ADCY3: variants seen among roughly 807,000 people sequenced by gnomAD.
The protein encoded by ADCY3 is adenylate cyclase 3, also known as adenylate cyclase type 3.
Under a neutral mutation model 119.4 loss-of-function variants are expected in ADCY3, and 70 were observed. That is an observed-to-expected ratio of 0.59 (90% CI 0.48 to 0.72). The LOEUF (loss-of-function observed/expected upper bound fraction) is 0.72. Ranked by LOEUF, ADCY3 falls within the 30% of genes least tolerant of loss-of-function variation. The probability of loss-of-function intolerance (pLI) is 0.00; values close to 1 mark genes in which losing one functional copy is unlikely to be tolerated. For synonymous variants in ADCY3, 672 were observed against 621.4 expected, an observed-to-expected ratio of 1.08 and a Z score of -1.21; for missense variants, 1,238 against 1,541.6, an observed-to-expected ratio of 0.80 and a Z score of 3.30.
rs1671156597 is a variant in ADCY3, at chr2:24,842,637, A to T, written c.826-253T>A. 3 of 484,642 alleles carry T rather than the reference A, an allele frequency of 6.2e-6. No homozygotes were observed. In the East Asian group the frequency reaches 1.2e-4, roughly 19 times the overall value. The allele number at this position is 484,642 out of a possible 1,614,324, so 30.0% of individuals were successfully genotyped here. A position where few individuals can be genotyped will look rare whatever the true frequency, so the allele number is the denominator to read the frequency against. On this transcript the variant is annotated intron_variant, in intron 3 of 21. Transcript: ENST00000679454. This position sits in a 1 kb window ranked among gnomAD's most constrained non-coding sequence, Gnocchi z 4.9. ...AGGGGAGCCAGAAACGCAGTGAAGC[A>T]TCCCAACGTGGCTCTGTGCTCAGCA...
Position 24,919,141 on chromosome 2 carries a change from G to A in ADCY3, c.-154C>T. On this transcript the variant is annotated 5_prime_UTR_variant, in exon 2 of 22. Coordinates refer to ENST00000679454, the MANE Select transcript of ADCY3 (RefSeq NM_004036.5). This position sits in a 1 kb window ranked among gnomAD's most constrained non-coding sequence, Gnocchi z 5.5. ...AGGGGAGGCCACCTCCAGCAGGAAC[G>A]CAGAGCGGGTTTCCAGAGCACAGGT... 1 of 736,700 alleles carries A rather than the reference G, an allele frequency of 1.4e-6. No homozygotes were observed. Among genetic ancestry groups the A allele is most frequent in the Non-Finnish European group, 2.2e-6 (1 of 461,282 alleles). The allele number at this position is 736,700 out of a possible 1,614,324, so 45.6% of individuals were successfully genotyped here.
Position 24,820,085 on chromosome 2 carries a change from T to C in ADCY3, c.3282A>G (p.Arg1094=), listed in dbSNP as rs1179224714. ...QVVEETQVIL[R]EYGFRFVRRG... ...GCCTCACAAAGCGGAAGCCGTACTC[T>C]CGGAGGATGACTTGGGTTTCTTCTA... is the stretch of plus-strand genomic sequence containing the variant. Residue 1094 remains arginine, a synonymous_variant, in exon 22 of 22, where the codon CGA becomes CGG. Transcript: ENST00000679454. The C allele has an allele frequency of 1.3e-6, 2 of 1,557,152 alleles. No individual in the cohort carries two copies. Among genetic ancestry groups the C allele is most frequent in the African/African-American group, 1.4e-5 (1 of 72,214 alleles).
chr2:24,823,491 C>CTTT, intron 17 of ADCY3, 136 bp from the exon 18 acceptor site: 1 of 780,948 alleles, frequency 1.3e-6, no homozygotes, highest in South Asian at 2.3e-5. Context: ...ATTATTCCAG[C>CTTT]ATTTTTTTTT....
chr2:24,875,994 G>GC (rs951452608), intron 2 of ADCY3, among the ~76,000 whole-genome samples: 4 of 141,560 alleles, frequency 2.8e-5, no homozygotes, highest in Non-Finnish European at 4.4e-5. Context: ...TTTGGGAGGG[G>GC]GGCGGTGGTG....
chr2:24,830,631 CTGCT>C, intron 13 of ADCY3, 74 bp downstream of exon 13: 3 of 1,126,544 alleles, frequency 2.7e-6, no homozygotes, highest in Non-Finnish European at 3.9e-6. Context: ...GACTGAGAAA[CTGCT>C]TGTGTGACCC....
chr2:24,908,085 G>C (rs1663112036), intron 2 of ADCY3, among the ~76,000 whole-genome samples: 1 of 152,170 alleles, frequency 6.6e-6, no homozygotes, highest in Admixed American at 6.5e-5. Flanking sequence ...ACTTTGGAAG[G>C]CCAAGGTGGG....
At chr2:24,871,134 A>ATTT (rs11433494) in intron 3 of ADCY3, among the ~76,000 whole-genome samples, 22 of 148,842 alleles carry the variant, frequency 1.5e-4, no homozygotes, top group African/African-American at 5.2e-4. Context: ...TGACACATGC[A>ATTT]TTTTTTTTTT....
intron 2 of ADCY3, among the ~76,000 whole-genome samples, chr2:24,883,030 A>G (rs1676586775): frequency 6.6e-6 from 1 of 152,060 alleles, no homozygotes; most frequent in Non-Finnish European, 1.5e-5. Flanking sequence ...ACTGCACTCC[A>G]GCCTGGATGA....
chr2:24,918,563 A>C lies in ADCY3; in HGVS notation c.425T>G (p.Val142Gly). 6.2e-7 allele frequency: 1 copy of C among 1,614,128 alleles called. No homozygotes were observed. Among genetic ancestry groups the C allele is most frequent in the Non-Finnish European group, 8.5e-7 (1 of 1,180,030 alleles). Residue 142 changes from valine to glycine, a missense_variant, in exon 2 of 22, where the codon GTG becomes GGG. Val to Gly is a moderately radical substitution (Grantham distance 109). Transcript: ENST00000679454. The surrounding 1 kb of genome is among the most constrained non-coding windows in gnomAD (Gnocchi z 5.4). Reference protein sequence around the residue: ...DRVTRRVLPYVLWLLITAQIF... With the variant: ...DRVTRRVLPYGLWLLITAQIF... The stretch of plus-strand genomic sequence containing the variant: ...CTGGGCGGTTATGAGCAGCCACAGC[A>C]CGTAGGGCAGCACTCTGCGGGTGAC...
Position 24,857,991 on chromosome 2 carries a change from A to ATTTTTTTTTTT in ADCY3, c.825+14568_825+14578dup, listed in dbSNP as rs56672595. On this transcript the variant is annotated intron_variant, in intron 3 of 21. Coordinates refer to ENST00000679454, the MANE Select transcript of ADCY3 (RefSeq NM_004036.5). ...AAGTCCTGAAATACTTGTGGTCTGA[A>ATTTTTTTTTTT]TTTTTTTTTTTTTTTTTTTTTTTTA... Among the ~76,000 whole-genome samples the ATTTTTTTTTTT allele has an allele frequency of 4.7e-3, 577 of 122,348 alleles. 12 individuals are homozygous for ATTTTTTTTTTT. Among genetic ancestry groups the ATTTTTTTTTTT allele is most frequent in the African/African-American group, 0.015 (435 of 29,424 alleles). The allele number at this position is 122,348 out of a possible 152,430, so 80.3% of individuals were successfully genotyped here. A position where few individuals can be genotyped will look rare whatever the true frequency, so the allele number is the denominator to read the frequency against.
chr2:24,824,672 T>C (rs1460645190), intron 16 of ADCY3, 136 bp from the exon 17 acceptor site: 1 of 893,848 alleles, frequency 1.1e-6, no homozygotes, highest in African/African-American at 1.7e-5. Flanking sequence ...GCGGATCACC[T>C]GAGGTCAGGA....
intron 2 of ADCY3, among the ~76,000 whole-genome samples, chr2:24,910,068 G>A (rs1400636754): frequency 6.6e-6 from 1 of 152,178 alleles, no homozygotes; most frequent in Non-Finnish European, 1.5e-5. Context: ...CAGCATAGCT[G>A]GCAACTGAAT....
At chr2:24,840,802 G>A (rs540551547) in intron 6 of ADCY3, among the ~76,000 whole-genome samples, 21 of 152,322 alleles carry the variant, frequency 1.4e-4, no homozygotes, top group South Asian at 8.3e-4. Flanking sequence ...CACAGAGGCC[G>A]GGGTGGGATC....
intron 3 of ADCY3, among the ~76,000 whole-genome samples, chr2:24,846,108 C>A (rs769469654): frequency 6.6e-6 from 1 of 152,230 alleles, no homozygotes; most frequent in Admixed American, 6.5e-5. Context: ...TCATGGAGAA[C>A]CCCTGCTAGG....
At position 24,821,621 on chromosome 2, in the gene ADCY3, T is replaced by G. The variant is rs751871836; in HGVS notation, c.3023A>C (p.Glu1008Ala). ...CAGGTCAGCCAGGTGCTGCCAGCGC[T>G]CTCTCTCGGACTTGTCTTCCTGTGC... is the stretch of plus-strand genomic sequence containing the variant. ...SSNKEDKSER[E>A]RWQHLADLAD... The change falls in exon 20 of 22, where the codon GAG becomes GCG. Residue 1008 changes from glutamate (E) to alanine (A), a missense_variant. Transcript: ENST00000679454. The G allele has an allele frequency of 3.5e-5, 57 of 1,613,912 alleles. 1 individual carries two copies. Among genetic ancestry groups the G allele is most frequent in the East Asian group, 6.7e-5 (3 of 44,894 alleles).
chr2:24,821,429 C>T, intron 20 of ADCY3, 88 bp downstream of exon 20: 1 of 1,556,552 alleles, frequency 6.4e-7, no homozygotes, highest in Non-Finnish European at 8.7e-7. Flanking sequence ...CCTCAGTTGT[C>T]CTGAGCCTCA....
At chr2:24,914,872 T>C (rs1324611434) in intron 2 of ADCY3, among the ~76,000 whole-genome samples, 1 of 152,048 alleles carries the variant, frequency 6.6e-6, no homozygotes, top group East Asian at 1.9e-4. Flanking sequence ...CTCGGCAATA[T>C]TCACTCATTA....
At chr2:24,892,498 G>A (rs963552408) in intron 2 of ADCY3, among the ~76,000 whole-genome samples, 4 of 152,082 alleles carry the variant, frequency 2.6e-5, no homozygotes, top group East Asian at 1.9e-4. Flanking sequence ...TGATCCACCC[G>A]CCTCGGCCTC....
Position 24,841,753 on chromosome 2 carries a change from G to A in ADCY3, c.957-86C>T. 2 of 1,013,064 alleles carry A rather than the reference G, an allele frequency of 2.0e-6. No homozygotes were observed. The highest frequency in any genetic ancestry group is 1.5e-6 in the Non-Finnish European group (1 of 655,622). The allele number at this position is 1,013,064 out of a possible 1,614,324, so 62.8% of individuals were successfully genotyped here. ...TGCCAGCTCCCTCTCCAACCCACAG[G>A]GCAGCCAGGATCAGGGCAGGAGAAG... On this transcript the variant is annotated intron_variant, in intron 4 of 21. Coordinates refer to ENST00000679454, the MANE Select transcript of ADCY3 (RefSeq NM_004036.5). The surrounding 1 kb of genome is among the most constrained non-coding windows in gnomAD (Gnocchi z 5.8).
Sources: allele counts gnomAD v4.1 joint callset (sites outside exome capture counted in the v4.1 genomes callset), GRCh38; gene constraint gnomAD v4.1.1; non-coding constraint Gnocchi (gnomAD v3.1); transcripts MANE v1.5; gene names NCBI Gene and HGNC (gene_info 2026-07-23, HGNC 2026-07-21).